Variants in LHFPL3 observed in about 807,000 individuals in gnomAD.
LHFPL3 encodes the protein LHFPL tetraspan subfamily member 3 protein.
Under a neutral mutation model 19.3 loss-of-function variants are expected in LHFPL3, and 5 were observed. That is an observed-to-expected ratio of 0.26 (90% CI 0.14 to 0.54). The LOEUF (loss-of-function observed/expected upper bound fraction) is 0.54, where lower values mean the gene tolerates loss of function less well. Ranked by LOEUF, LHFPL3 falls within the 20% of genes least tolerant of loss-of-function variation. The probability of loss-of-function intolerance (pLI) is 0.94; values close to 1 mark genes in which losing one functional copy is unlikely to be tolerated. For synonymous variants in LHFPL3, 133 were observed against 126.2 expected (o/e 1.05, Z -0.36); for missense variants, 249 against 307.4 (o/e 0.81, Z 1.42).
At chr7:104,410,226 A>T (rs1791509844) in intron 1 of LHFPL3, among the ~76,000 whole-genome samples, 1 of 152,118 alleles carries the variant, frequency 6.6e-6, no homozygotes, top group Non-Finnish European at 1.5e-5. Flanking sequence ...TCCACCTCCC[A>T]GGTTCAAGCA....
intron 2 of LHFPL3, among the ~76,000 whole-genome samples, chr7:104,800,241 G>T (rs1325201372): frequency 2.0e-5 from 3 of 152,152 alleles, no homozygotes; most frequent in Non-Finnish European, 4.4e-5. Flanking sequence ...TGAACGGCAA[G>T]ATGAACTTCA....
intron 2 of LHFPL3, among the ~76,000 whole-genome samples, chr7:104,892,265 G>A (rs566432378): frequency 6.6e-6 from 1 of 152,298 alleles, no homozygotes; most frequent in Admixed American, 6.5e-5. Flanking sequence ...ATGGAAGATG[G>A]TAGAATGTTT....
At chr7:104,749,947 T>A (rs1370832886) in intron 2 of LHFPL3, among the ~76,000 whole-genome samples, 2 of 152,234 alleles carry the variant, frequency 1.3e-5, no homozygotes, top group Non-Finnish European at 2.9e-5. Flanking sequence ...ATCTTCATTT[T>A]TCCCTAGTCC....
chr7:104,729,538 C>T (rs1793653006), intron 1 of LHFPL3, among the ~76,000 whole-genome samples: 1 of 152,068 alleles, frequency 6.6e-6, no homozygotes, highest in South Asian at 2.1e-4. Flanking sequence ...GCAGTCCCTC[C>T]CAAGCCTCTG....
At chr7:104,748,463 T>C (rs1223243306) in intron 2 of LHFPL3, among the ~76,000 whole-genome samples, 3 of 124,078 alleles carry the variant, frequency 2.4e-5, no homozygotes, top group African/African-American at 5.8e-5. Flanking sequence ...TAAAACCCGA[T>C]TGTATGCTCC....
At chr7:104,430,430 A>ATATATATACACG (rs1791965017) in intron 1 of LHFPL3, among the ~76,000 whole-genome samples, 1 of 10,620 alleles carries the variant, frequency 9.4e-5, no homozygotes, top group Non-Finnish European at 2.1e-4. Flanking sequence ...ATATATATAT[A>ATATATATACACG]TATATATATA....
chr7:104,505,428 A>C (rs1793678000), intron 1 of LHFPL3, among the ~76,000 whole-genome samples: 2 of 152,226 alleles, frequency 1.3e-5, no homozygotes. Context: ...TGTATATGCC[A>C]AAAGGTAATG....
In LHFPL3 at chr7:104,908,026, A is replaced by T. The variant is rs974250912; in HGVS notation, c.*1811A>T. Reference sequence around the variant, plus strand: ...TAAGTATTAGCTCCCTACTACATCCATAACACCCTACTTACTAAATTTAAT... The same window carrying T: ...TAAGTATTAGCTCCCTACTACATCCTTAACACCCTACTTACTAAATTTAAT... On this transcript the variant is annotated 3_prime_UTR_variant, in exon 3 of 3. Transcript: ENST00000424859. Among the ~76,000 whole-genome samples the T allele has an allele frequency of 6.6e-6, 1 of 152,224 alleles. No homozygotes were observed. The highest frequency in any genetic ancestry group is 2.4e-5 in the African/African-American group (1 of 41,466).
chr7:104,737,274 A>G (rs1271480840), intron 2 of LHFPL3, among the ~76,000 whole-genome samples: 1 of 152,050 alleles, frequency 6.6e-6, no homozygotes, highest in Admixed American at 6.6e-5. Context: ...CTTTCTCTCC[A>G]TGTATTCAGC....
intron 1 of LHFPL3, among the ~76,000 whole-genome samples, chr7:104,517,638 T>C (rs968011637): frequency 3.3e-5 from 5 of 151,530 alleles, no homozygotes; most frequent in East Asian, 3.9e-4. Context: ...TCCTGAATAA[T>C]TGGGCTTACA....
chr7:104,650,613 C>T (rs562652739), intron 1 of LHFPL3, among the ~76,000 whole-genome samples: 2 of 152,268 alleles, frequency 1.3e-5, no homozygotes, highest in East Asian at 3.9e-4. Context: ...CACCTGAGTA[C>T]TTCTAGAGTT....
At chr7:104,872,579 A>C (rs1431009527) in intron 2 of LHFPL3, among the ~76,000 whole-genome samples, 6 of 151,928 alleles carry the variant, frequency 3.9e-5, no homozygotes, top group African/African-American at 1.4e-4. Context: ...CAGGAAGCAC[A>C]GATGGCAGTG....
At chr7:104,832,806 G>A (rs1461245074) in intron 2 of LHFPL3, among the ~76,000 whole-genome samples, 1 of 147,462 alleles carries the variant, frequency 6.8e-6, no homozygotes, top group African/African-American at 2.5e-5. Flanking sequence ...ACGAAACCCT[G>A]TCTCTACTAA....
intron 2 of LHFPL3, among the ~76,000 whole-genome samples, chr7:104,883,341 AAT>A (rs779949994): frequency 1.3e-5 from 2 of 152,234 alleles, no homozygotes; most frequent in African/African-American, 2.4e-5. Flanking sequence ...TACATGAAAT[AAT>A]ATGTTTCTTA....
At chr7:104,850,003 G>C (rs1791385958) in intron 2 of LHFPL3, among the ~76,000 whole-genome samples, 1 of 152,208 alleles carries the variant, frequency 6.6e-6, no homozygotes, top group Non-Finnish European at 1.5e-5. Flanking sequence ...TCGTGCAAAA[G>C]TAATTGTGGT....
intron 2 of LHFPL3, among the ~76,000 whole-genome samples, chr7:104,841,199 G>C (rs1388247270): frequency 6.6e-6 from 1 of 152,128 alleles, no homozygotes; most frequent in Non-Finnish European, 1.5e-5. Flanking sequence ...TGCACAAAAA[G>C]TACGTCCCAT....
intron 1 of LHFPL3, among the ~76,000 whole-genome samples, chr7:104,360,673 GT>G (rs34017276): frequency 0.25 from 37,124 of 149,984 alleles, 5,132 homozygotes; most frequent in East Asian, 0.39. Context: ...GAGTTGTTGG[GT>G]TTTTTTAAAA....
chr7:104,849,222 T>C (rs1474601973), intron 2 of LHFPL3, among the ~76,000 whole-genome samples: 1 of 152,190 alleles, frequency 6.6e-6, no homozygotes, highest in Non-Finnish European at 1.5e-5. Context: ...TGAGCCACTG[T>C]GCCCAGCCAA....
At chr7:104,829,204 G>A (rs976068775) in intron 2 of LHFPL3, among the ~76,000 whole-genome samples, 1 of 151,852 alleles carries the variant, frequency 6.6e-6, no homozygotes, top group African/African-American at 2.4e-5. Context: ...CTGACCAAGG[G>A]TCCTCCGGCT....
Sources: allele counts gnomAD v4.1 joint callset (sites outside exome capture counted in the v4.1 genomes callset), GRCh38; gene constraint gnomAD v4.1.1; transcripts MANE v1.5; gene names NCBI Gene and HGNC (gene_info 2026-07-23, HGNC 2026-07-21).